The following FHIT variants were observed in gnomAD, a reference collection of about 807,000 sequenced individuals.
FHIT encodes fragile histidine triad diadenosine triphosphatase.
Under a neutral mutation model 17.9 loss-of-function variants are expected in FHIT, and 19 were observed. The observed-to-expected ratio is 1.06, with a 90% CI of 0.74 to 1.56. The LOEUF is 1.56. Among genes scored for constraint, FHIT ranks in the 40% most tolerant of loss-of-function variants. The pLI, the probability that FHIT is intolerant of heterozygous loss-of-function variation, is 0.00. For synonymous variants in FHIT, 81 were observed against 69.7 expected (o/e 1.16, Z -0.81); for missense variants, 248 against 189.2 (o/e 1.31, Z -1.82).
chr3:60,417,192 T>G (rs1702283238), intron 5 of FHIT, among the ~76,000 whole-genome samples: 1 of 152,214 alleles, frequency 6.6e-6, no homozygotes, highest in Non-Finnish European at 1.5e-5. Context: ...TATTATGTTA[T>G]TCTATGCTAA....
chr3:61,037,163 G>A (rs1036123493), intron 3 of FHIT, among the ~76,000 whole-genome samples: 3 of 151,984 alleles, frequency 2.0e-5, no homozygotes, highest in East Asian at 1.9e-4. Flanking sequence ...CATCCGTCTC[G>A]GTCTCCCAAA....
intron 2 of FHIT, among the ~76,000 whole-genome samples, chr3:61,046,950 T>C (rs4688507): frequency 6.6e-6 from 1 of 151,984 alleles, no homozygotes; most frequent in Non-Finnish European, 1.5e-5. Context: ...CAGGCCTTCA[T>C]GCTAAAAACT....
At chr3:59,952,098 G>T (rs537519793) in intron 7 of FHIT, among the ~76,000 whole-genome samples, 1 of 152,154 alleles carries the variant, frequency 6.6e-6, no homozygotes, top group Non-Finnish European at 1.5e-5. Context: ...TTGACTGAAA[G>T]TTCTTGGATT....
At chr3:59,984,360 A>G (rs2736814) in intron 7 of FHIT, among the ~76,000 whole-genome samples, 136,259 of 151,946 alleles carry the variant, frequency 0.9, 61,327 homozygotes, top group East Asian at 1. Context: ...TTATAAGAAT[A>G]TTAGTGCTTC....
At chr3:59,757,764 TTAAA>T (rs1701293026) in intron 8 of FHIT, among the ~76,000 whole-genome samples, 2 of 152,206 alleles carry the variant, frequency 1.3e-5, no homozygotes, top group Non-Finnish European at 2.9e-5. Context: ...AGCAGAGAGC[TTAAA>T]TAAACCATTT....
At chr3:60,760,444 A>G (rs547484488) in intron 4 of FHIT, among the ~76,000 whole-genome samples, 24 of 152,342 alleles carry the variant, frequency 1.6e-4, no homozygotes, top group African/African-American at 5.5e-4. Flanking sequence ...AGGGTGGGAA[A>G]TAGTCATCCA....
chr3:60,231,023 C>G (rs1704469972), intron 5 of FHIT, among the ~76,000 whole-genome samples: 2 of 152,158 alleles, frequency 1.3e-5, no homozygotes, highest in Non-Finnish European at 2.9e-5. Flanking sequence ...ATTTCAATAA[C>G]CATTCTAATG....
chr3:60,692,657 A>G (rs1285894201), intron 4 of FHIT, among the ~76,000 whole-genome samples: 7 of 152,192 alleles, frequency 4.6e-5, no homozygotes, highest in African/African-American at 1.7e-4. Context: ...ATCTTAGCCC[A>G]CTAATATCCA....
chr3:60,787,504 G>A (rs1405444407), intron 4 of FHIT, among the ~76,000 whole-genome samples: 1 of 152,208 alleles, frequency 6.6e-6, no homozygotes, highest in African/African-American at 2.4e-5. Context: ...TGTGTCCAGT[G>A]TCAGTATGCA....
At chr3:60,823,732 T>C (rs1453724944) in intron 3 of FHIT, among the ~76,000 whole-genome samples, 1 of 152,208 alleles carries the variant, frequency 6.6e-6, no homozygotes, top group African/African-American at 2.4e-5. Context: ...ACTTAGTTAC[T>C]GCCACCCTAG....
intron 5 of FHIT, among the ~76,000 whole-genome samples, chr3:60,447,639 G>A (rs1576670613): frequency 6.6e-6 from 1 of 152,188 alleles, no homozygotes; most frequent in Non-Finnish European, 1.5e-5. Flanking sequence ...ACTAGGCAGA[G>A]GAATAGTTTC....
intron 5 of FHIT, among the ~76,000 whole-genome samples, chr3:60,343,444 C>T (rs562343274): frequency 2.2e-4 from 33 of 152,118 alleles, no homozygotes; most frequent in Non-Finnish European, 1.6e-4. Context: ...CTATTCACTC[C>T]GTTGTTTGAT....
At chr3:60,848,945 CAT>C (rs1553747449) in intron 3 of FHIT, among the ~76,000 whole-genome samples, 1 of 151,974 alleles carries the variant, frequency 6.6e-6, no homozygotes, top group African/African-American at 2.4e-5. Flanking sequence ...TAGGGACAAA[CAT>C]AGATTTGAAA....
At chr3:60,508,694 A>T (rs2034830903) in intron 5 of FHIT, among the ~76,000 whole-genome samples, 1 of 152,110 alleles carries the variant, frequency 6.6e-6, no homozygotes, top group African/African-American at 2.4e-5. Flanking sequence ...TATTCCTTCT[A>T]TTTATTTGGA....
intron 2 of FHIT, among the ~76,000 whole-genome samples, chr3:61,063,425 C>T (rs916982991): frequency 9.2e-5 from 14 of 152,096 alleles, no homozygotes; most frequent in Non-Finnish European, 1.8e-4. Flanking sequence ...AAGCCATGCT[C>T]TTAACCATTG....
At chr3:60,388,349 C>T (rs139104006) in intron 5 of FHIT, among the ~76,000 whole-genome samples, 167 of 152,306 alleles carry the variant, frequency 1.1e-3, no homozygotes, top group African/African-American at 3.8e-3. Context: ...CCCATAATCC[C>T]AGCACTTTGG....
chr3:60,603,997 C>T (rs2038528003), intron 4 of FHIT, among the ~76,000 whole-genome samples: 1 of 152,140 alleles, frequency 6.6e-6, no homozygotes, highest in South Asian at 2.1e-4. Context: ...AGACTAAGAA[C>T]AGCTCAGAGT....
chr3:60,992,098 T>A (rs78902852), intron 3 of FHIT, among the ~76,000 whole-genome samples: 5,804 of 152,260 alleles, frequency 0.038, 174 homozygotes, highest in South Asian at 0.084. Context: ...CACAAATATG[T>A]TGATTGAGGA....
chr3:60,277,453 C>T lies in FHIT; in HGVS notation c.103+259407G>A, dbSNP rs1404981303. ...AGTTGTGCCAATAAGAAAAAGCTAC[C>T]TGGTACTAAGCATGCTCAAAATGGC... On this transcript the variant is annotated intron_variant, in intron 5 of 9. Transcript: ENST00000492590. Among the ~76,000 whole-genome samples the T allele has an allele frequency of 3.3e-5, 5 of 152,186 alleles. No homozygotes were observed. The East Asian group carries it at 9.6e-4, about 29-fold the overall frequency.
Sources: gnomAD v4.1 joint callset for allele counts (sites outside exome capture counted in the v4.1 genomes callset) on GRCh38, gnomAD v4.1.1 for gene constraint, MANE v1.5 for transcripts, NCBI Gene and HGNC (gene_info 2026-07-23, HGNC 2026-07-21) for gene names.